The following LRP1B variants were observed in gnomAD, a reference collection of about 807,000 sequenced individuals.
LRP1B encodes LDL receptor related protein 1B.
Under a neutral mutation model 556.6 loss-of-function variants are expected in LRP1B, and 217 were observed. The ratio of observed to expected loss-of-function variants is 0.39; its 90% CI spans 0.35 to 0.44. The LOEUF (loss-of-function observed/expected upper bound fraction) is 0.44, where lower values mean the gene tolerates loss of function less well. Ranked by LOEUF, LRP1B falls within the 20% of genes least tolerant of loss-of-function variation. The probability of loss-of-function intolerance (pLI) is 1.00; values close to 1 mark genes in which losing one functional copy is unlikely to be tolerated. For synonymous variants in LRP1B, 2,047 were observed against 1,865.8 expected, an observed-to-expected ratio of 1.10 and a Z score of -2.50; for missense variants, 5,053 against 5,620.8, an observed-to-expected ratio of 0.90 and a Z score of 3.23.
chr2:142,102,579 C>A (rs549368525), intron 1 of LRP1B, among the ~76,000 whole-genome samples: 1 of 151,616 alleles, frequency 6.6e-6, no homozygotes, highest in Admixed American at 6.6e-5. Context: ...TAATTACATT[C>A]TTAAAATTAC....
At chr2:141,529,397 A>T (rs1381172227) in intron 2 of LRP1B, among the ~76,000 whole-genome samples, 1 of 152,198 alleles carries the variant, frequency 6.6e-6, no homozygotes, top group Non-Finnish European at 1.5e-5. Context: ...AAGGAAAAAG[A>T]TTAAGAAGAG....
chr2:141,359,307 T>C (rs2714205), intron 3 of LRP1B, among the ~76,000 whole-genome samples: 70,650 of 142,324 alleles, frequency 0.5, 19,175 homozygotes, highest in Non-Finnish European at 0.64. Flanking sequence ...TAAATACAAA[T>C]GCTATTAAAA....
chr2:141,321,321 C>A (rs112932699), intron 3 of LRP1B, among the ~76,000 whole-genome samples: 3,178 of 152,098 alleles, frequency 0.021, 54 homozygotes, highest in Non-Finnish European at 0.034. Flanking sequence ...GTAAAGAAAT[C>A]AGGCACAGCT....
chr2:141,470,507 G>A (rs929541174), intron 3 of LRP1B, among the ~76,000 whole-genome samples: 6 of 152,194 alleles, frequency 3.9e-5, no homozygotes, highest in Non-Finnish European at 8.8e-5. Flanking sequence ...TTGAGAATGG[G>A]TCAGGAGGAT....
chr2:141,209,131 G>A (rs1682431957), intron 6 of LRP1B, among the ~76,000 whole-genome samples: 1 of 151,962 alleles, frequency 6.6e-6, no homozygotes, highest in Non-Finnish European at 1.5e-5. Context: ...ATAAAATAAG[G>A]AAATCTAGAA....
At chr2:141,089,702 G>C (rs960935978) in intron 7 of LRP1B, among the ~76,000 whole-genome samples, 3 of 152,178 alleles carry the variant, frequency 2.0e-5, no homozygotes, top group African/African-American at 7.2e-5. Context: ...AAGAATGAGG[G>C]AGTTGGGATA....
At chr2:140,242,503 T>C (rs1378078861) in intron 87 of LRP1B, among the ~76,000 whole-genome samples, 1 of 151,180 alleles carries the variant, frequency 6.6e-6, no homozygotes, top group African/African-American at 2.4e-5. Flanking sequence ...ACCCTGAAAA[T>C]ATACTCTATT....
Position 140,698,673 on chromosome 2 carries a change from G to C in LRP1B, c.6799+1577C>G, listed in dbSNP as rs146392068. Reference sequence around the variant, plus strand: ...GAGCGTTTTAATAATAGCCTTTACAGATAACTGAGTATTCTTTCATATTAC... The same window carrying C: ...GAGCGTTTTAATAATAGCCTTTACACATAACTGAGTATTCTTTCATATTAC... On this transcript the variant is annotated intron_variant, in intron 41 of 90. Transcript: ENST00000389484. Among the ~76,000 whole-genome samples, 1,104 of 152,134 alleles carry C rather than the reference G, an allele frequency of 7.3e-3. 13 individuals are homozygous for C. The highest frequency in any genetic ancestry group is 0.025 in the African/African-American group (1,035 of 41,542).
intron 2 of LRP1B, among the ~76,000 whole-genome samples, chr2:141,716,916 T>C (rs562164800): frequency 6.6e-6 from 1 of 152,250 alleles, no homozygotes; most frequent in South Asian, 2.1e-4. Context: ...ACTTGCCTAC[T>C]GCCAAGACTT....
intron 41 of LRP1B, among the ~76,000 whole-genome samples, chr2:140,622,937 C>T (rs1683506922): frequency 7.0e-6 from 1 of 142,648 alleles, no homozygotes; most frequent in African/African-American, 2.5e-5. Flanking sequence ...TTTCAAAATG[C>T]TTCTATTCTG....
At chr2:141,352,039 T>C (rs1332798618) in intron 3 of LRP1B, among the ~76,000 whole-genome samples, 1 of 151,660 alleles carries the variant, frequency 6.6e-6, no homozygotes, top group African/African-American at 2.4e-5. Flanking sequence ...TTGAAGAAAA[T>C]GATAATGAGA....
chr2:140,700,752 G>C, intron 40 of LRP1B, 131 bp from the exon 41 acceptor site: 1 of 937,890 alleles, frequency 1.1e-6, no homozygotes, highest in South Asian at 1.8e-5. Flanking sequence ...TTTTAAGCTG[G>C]TCAATAAAAA....
At chr2:141,114,460 G>A (rs1056500663) in intron 7 of LRP1B, among the ~76,000 whole-genome samples, 1 of 152,170 alleles carries the variant, frequency 6.6e-6, no homozygotes, top group African/African-American at 2.4e-5. Flanking sequence ...AGGGGATGGA[G>A]TGTGAAGACG....
chr2:140,392,221 T>A (rs764090927), intron 66 of LRP1B, among the ~76,000 whole-genome samples: 5 of 152,142 alleles, frequency 3.3e-5, no homozygotes, highest in Non-Finnish European at 5.9e-5. Flanking sequence ...GTTTTTCTTT[T>A]ACACTGCATA....
intron 3 of LRP1B, among the ~76,000 whole-genome samples, chr2:141,308,537 C>A (rs1686687164): frequency 6.6e-6 from 1 of 152,142 alleles, no homozygotes; most frequent in Non-Finnish European, 1.5e-5. Context: ...TCAGTAAACA[C>A]AATGGATTCA....
intron 2 of LRP1B, among the ~76,000 whole-genome samples, chr2:141,518,237 C>G (rs1048980697): frequency 6.6e-6 from 1 of 152,102 alleles, no homozygotes; most frequent in African/African-American, 2.4e-5. Context: ...AGCCTGTCCT[C>G]AGACAGGCCC....
chr2:141,063,444 A>G (rs550078782), intron 7 of LRP1B, among the ~76,000 whole-genome samples: 2 of 152,012 alleles, frequency 1.3e-5, no homozygotes, highest in South Asian at 4.1e-4. Context: ...TTATAAGTAT[A>G]TATTTCACCA....
intron 51 of LRP1B, among the ~76,000 whole-genome samples, chr2:140,512,962 A>G (rs1689728201): frequency 6.6e-6 from 1 of 152,126 alleles, no homozygotes; most frequent in African/African-American, 2.4e-5. Context: ...ACAGCTCATA[A>G]TTAACGTAAA....
At chr2:140,908,207 T>C in intron 21 of LRP1B, 130 bp from the exon 22 acceptor site, 1 of 673,040 alleles carries the variant, frequency 1.5e-6, no homozygotes, top group Admixed American at 2.8e-5. Flanking sequence ...ATCTATTTGC[T>C]TATTATTTGA....
Sources: allele counts gnomAD v4.1 joint callset (sites outside exome capture counted in the v4.1 genomes callset), GRCh38; gene constraint gnomAD v4.1.1; transcripts MANE v1.5; gene names NCBI Gene and HGNC (gene_info 2026-07-23, HGNC 2026-07-21).